The following ZNF148 variants were observed in gnomAD, a reference collection of about 807,000 sequenced individuals.
The protein encoded by ZNF148 is zinc finger protein 148, also known as Beta-Enolase Repressor Factor-1.
ZNF148 carries 7 observed loss-of-function variants against 67.7 expected under a neutral mutation model. The ratio of observed to expected loss-of-function variants is 0.10; its 90% CI spans 0.06 to 0.19. ZNF148 has a LOEUF of 0.19. Among genes scored for constraint, ZNF148 ranks in the 10% least tolerant of loss-of-function variants. The pLI, the probability that ZNF148 is intolerant of heterozygous loss-of-function variation, is 1.00. For synonymous variants in ZNF148, 333 were observed against 330.7 expected (o/e 1.01, Z -0.08); for missense variants, 583 against 947.1 (o/e 0.62, Z 5.05).
At chr3:125,304,891 C>G (rs1278468612) in intron 4 of ZNF148, among the ~76,000 whole-genome samples, 1 of 151,966 alleles carries the variant, frequency 6.6e-6, no homozygotes, top group East Asian at 1.9e-4. Flanking sequence ...AGAACTAAAG[C>G]AGAAAAAGGA....
intron 7 of ZNF148, among the ~76,000 whole-genome samples, chr3:125,245,259 G>A (rs969316662): frequency 2.0e-5 from 3 of 152,256 alleles, no homozygotes; most frequent in East Asian, 1.9e-4. Context: ...CCAGGTGAGA[G>A]GTGACTGGAT....
In ZNF148 at chr3:125,227,677, AT is replaced by A. The variant is rs1455277988; in HGVS notation, c.*4663del. Reference sequence around the variant, plus strand: ...TATAATTCAAATCCAACAATGAAAAATTTCCCCCATATTGTTGCAAAATTCT... The same window carrying A: ...TATAATTCAAATCCAACAATGAAAAATTCCCCCATATTGTTGCAAAATTCT... On this transcript the variant is annotated 3_prime_UTR_variant, in exon 9 of 9. Transcript: ENST00000360647. 1.3e-5 allele frequency: 2 copies of A among 152,582 alleles called. No homozygotes were observed. 9.5% of individuals were successfully genotyped at this position (152,582 alleles called of 1,614,324 possible).
chr3:125,347,416 A>T (rs1941986614), intron 1 of ZNF148, among the ~76,000 whole-genome samples: 1 of 152,262 alleles, frequency 6.6e-6, no homozygotes, highest in Non-Finnish European at 1.5e-5. Flanking sequence ...TAAAGGATGC[A>T]TACATTCTGA....
chr3:125,335,383 A>C lies in ZNF148; in HGVS notation c.-233-4145T>G, dbSNP rs564521634. ...AGATAACAAAACAAAGGCATGTAGAAAAGTCACCCAAGGTCACATAAACCT... is the reference window on the plus strand; with the variant it reads ...AGATAACAAAACAAAGGCATGTAGACAAGTCACCCAAGGTCACATAAACCT... On this transcript the variant is annotated intron_variant, in intron 1 of 8. Coordinates refer to ENST00000360647, the MANE Select transcript of ZNF148 (RefSeq NM_021964.3). 4.6e-5 allele frequency among the ~76,000 whole-genome samples: 7 copies of C among 152,336 alleles called. No individual in the cohort carries two copies. In the South Asian group the frequency reaches 1.5e-3, roughly 32 times the overall value.
In ZNF148 at chr3:125,226,534, T is replaced by C. The variant is rs956796433; in HGVS notation, c.*5807A>G. The C allele has an allele frequency of 6.6e-6, 1 of 152,624 alleles. No individual in the cohort carries two copies. Among genetic ancestry groups the C allele is most frequent in the African/African-American group, 2.4e-5 (1 of 41,446 alleles). The allele number at this position is 152,624 out of a possible 1,614,324, so 9.5% of individuals were successfully genotyped here. A position where few individuals can be genotyped will look rare whatever the true frequency, so the allele number is the denominator to read the frequency against. On this transcript the variant is annotated 3_prime_UTR_variant, in exon 9 of 9. Coordinates refer to ENST00000360647, the MANE Select transcript of ZNF148 (RefSeq NM_021964.3). ...AAACTCCAAATGGCAAAGATAACTATATGACAATAGTGTTGAAAGCCGTGA... is the reference window on the plus strand; with the variant it reads ...AAACTCCAAATGGCAAAGATAACTACATGACAATAGTGTTGAAAGCCGTGA...
chr3:125,273,761 G>C (rs554659800), intron 7 of ZNF148, among the ~76,000 whole-genome samples: 85 of 152,168 alleles, frequency 5.6e-4, no homozygotes, highest in Middle Eastern at 3.4e-3. Context: ...ATTACAGCGT[G>C]AGCCACCGCA....
chr3:125,361,036 T>TA (rs1942521964), intron 1 of ZNF148, among the ~76,000 whole-genome samples: 6 of 151,412 alleles, frequency 4.0e-5, no homozygotes, highest in Admixed American at 3.3e-4. Context: ...TCTGAAAAAT[T>TA]AAAAAATAAT....
At chr3:125,271,979 G>A (rs1323762384) in intron 7 of ZNF148, among the ~76,000 whole-genome samples, 1 of 152,198 alleles carries the variant, frequency 6.6e-6, no homozygotes, top group East Asian at 1.9e-4. Context: ...ACCTCTTCTT[G>A]CCCAACGATT....
intron 7 of ZNF148, among the ~76,000 whole-genome samples, chr3:125,262,976 A>G (rs559103777): frequency 2.6e-5 from 4 of 152,362 alleles, no homozygotes; most frequent in Admixed American, 2.6e-4. Flanking sequence ...CAACTAAACT[A>G]TTCTGTTCCA....
At chr3:125,350,284 C>A (rs1191652084) in intron 1 of ZNF148, among the ~76,000 whole-genome samples, 2 of 152,160 alleles carry the variant, frequency 1.3e-5, no homozygotes, top group Non-Finnish European at 2.9e-5. Flanking sequence ...ACTCAGCCTC[C>A]CAAGTAGCTG....
chr3:125,275,338 A>C (rs559270775), intron 7 of ZNF148, among the ~76,000 whole-genome samples: 9 of 152,256 alleles, frequency 5.9e-5, no homozygotes, highest in African/African-American at 1.4e-4. Context: ...TACCACTTTT[A>C]GATGCTACTA....
At chr3:125,253,620 G>A (rs1260866451) in intron 7 of ZNF148, among the ~76,000 whole-genome samples, 1 of 152,148 alleles carries the variant, frequency 6.6e-6, no homozygotes, top group Non-Finnish European at 1.5e-5. Flanking sequence ...TTCTAGTTAA[G>A]ATGTTACTAA....
chr3:125,355,981 G>A (rs547490100), intron 1 of ZNF148, among the ~76,000 whole-genome samples: 2 of 152,166 alleles, frequency 1.3e-5, no homozygotes, highest in African/African-American at 4.8e-5. Flanking sequence ...ATTTCAAGGA[G>A]GCTAAAAGTG....
chr3:125,267,927 A>G (rs1937570902), intron 7 of ZNF148, among the ~76,000 whole-genome samples: 1 of 152,116 alleles, frequency 6.6e-6, no homozygotes, highest in South Asian at 2.1e-4. Flanking sequence ...ATAACATTCA[A>G]CTGAGAGGCA....
intron 3 of ZNF148, among the ~76,000 whole-genome samples, chr3:125,316,738 T>G (rs1336070239): frequency 6.6e-6 from 1 of 152,234 alleles, no homozygotes; most frequent in East Asian, 1.9e-4. Flanking sequence ...CCGTATATAT[T>G]CTGGTTATTA....
At chr3:125,302,741 A>T (rs986851994) in intron 4 of ZNF148, among the ~76,000 whole-genome samples, 1 of 152,242 alleles carries the variant, frequency 6.6e-6, no homozygotes, top group Non-Finnish European at 1.5e-5. Context: ...TATACTGTTA[A>T]GTGAAAAGAC....
chr3:125,275,540 T>C (rs1338055729), intron 7 of ZNF148, among the ~76,000 whole-genome samples: 3 of 152,334 alleles, frequency 2.0e-5, no homozygotes, highest in East Asian at 3.9e-4. Context: ...TTTGGGAAAG[T>C]TCCTTAACTT....
At chr3:125,299,432 A>G (rs1939467925) in intron 4 of ZNF148, among the ~76,000 whole-genome samples, 1 of 152,214 alleles carries the variant, frequency 6.6e-6, no homozygotes, top group Non-Finnish European at 1.5e-5. Context: ...TGAGAGGCTG[A>G]GGCAAAAGAC....
chr3:125,260,643 C>T (rs1483764034), intron 7 of ZNF148, among the ~76,000 whole-genome samples: 1 of 152,094 alleles, frequency 6.6e-6, no homozygotes, highest in Non-Finnish European at 1.5e-5. Context: ...GTGCAAGGGA[C>T]CCTTGGGGAG....
Sources: gnomAD v4.1 joint callset for allele counts (sites outside exome capture counted in the v4.1 genomes callset) on GRCh38, gnomAD v4.1.1 for gene constraint, MANE v1.5 for transcripts, NCBI Gene and HGNC (gene_info 2026-07-23, HGNC 2026-07-21) for gene names.